The following DDX60L variants were observed in gnomAD, a reference collection of about 807,000 sequenced individuals.
DDX60L encodes the protein DExD/H-box 60 like, also known as probable ATP-dependent RNA helicase DDX60-like.
In DDX60L, 191 loss-of-function variants were observed where a neutral mutation model predicts 211.6. That is an observed-to-expected ratio of 0.90 (90% CI 0.80 to 1.02). The LOEUF (loss-of-function observed/expected upper bound fraction) is 1.02. Among genes scored for constraint, DDX60L ranks in the 50% least tolerant of loss-of-function variants. DDX60L has a pLI of 0.00. For synonymous variants in DDX60L, 706 were observed against 694.1 expected, an observed-to-expected ratio of 1.02 and a Z score of -0.27; for missense variants, 2,007 against 1,984.1, an observed-to-expected ratio of 1.01 and a Z score of -0.22.
intron 29 of DDX60L, among the ~76,000 whole-genome samples, chr4:168,385,201 G>A (rs1286427454): frequency 6.6e-6 from 1 of 152,178 alleles, no homozygotes; most frequent in Admixed American, 6.5e-5. Flanking sequence ...TTCTGGGGAA[G>A]GGAGAAGGGC....
At position 168,431,432 on chromosome 4, in the gene DDX60L, C is replaced by A. The variant is rs187168534; in HGVS notation, c.1517-794G>T. Among the ~76,000 whole-genome samples, 474 of 152,010 alleles carry A rather than the reference C, an allele frequency of 3.1e-3. 2 individuals carry two copies. Among genetic ancestry groups the A allele is most frequent in the African/African-American group, 0.011 (437 of 41,440 alleles). On this transcript the variant is annotated intron_variant, in intron 12 of 37. Transcript: ENST00000682922. ...TAGACACTTACATAAATAGCTTATTCCTATATGCAATTGGCATACTTACTT... is the reference window on the plus strand; with the variant it reads ...TAGACACTTACATAAATAGCTTATTACTATATGCAATTGGCATACTTACTT...
At chr4:168,429,332 G>A (rs767003764) in intron 13 of DDX60L, among the ~76,000 whole-genome samples, 11 of 151,904 alleles carry the variant, frequency 7.2e-5, no homozygotes, top group South Asian at 2.1e-4. Flanking sequence ...TTTTAGAGGC[G>A]ATAGGGTTTC....
intron 25 of DDX60L, among the ~76,000 whole-genome samples, chr4:168,402,109 C>G (rs976877331): frequency 1.2e-4 from 17 of 147,144 alleles, no homozygotes; most frequent in Non-Finnish European, 2.2e-4. Flanking sequence ...GGCAACTCAG[C>G]TTCAACTTCA....
At chr4:168,379,868 A>T (rs1424490890) in intron 30 of DDX60L, 38 bp from the exon 31 acceptor site, 1 of 1,463,718 alleles carries the variant, frequency 6.8e-7, no homozygotes, top group African/African-American at 1.4e-5. Flanking sequence ...CTAGTTTTAA[A>T]CAGTATTTGT....
intron 29 of DDX60L, chr4:168,390,631 T>A: frequency 1.6e-6 from 1 of 625,478 alleles, no homozygotes; most frequent in Non-Finnish European, 2.3e-6. Context: ...AGGCAAAGAT[T>A]ATTGTCAGTT....
chr4:168,451,068 G>C (rs1414383004), intron 8 of DDX60L, among the ~76,000 whole-genome samples: 12 of 152,054 alleles, frequency 7.9e-5, no homozygotes. Context: ...TGAACTCTAA[G>C]ATATCATATT....
At chr4:168,420,075 G>A (rs1302257287) in intron 18 of DDX60L, among the ~76,000 whole-genome samples, 186 bp downstream of exon 18, 4 of 152,100 alleles carry the variant, frequency 2.6e-5, no homozygotes, top group African/African-American at 9.7e-5. Flanking sequence ...CCTTAGAGAT[G>A]GTGAGCCTAG....
chr4:168,401,653 T>C (rs1258645307), intron 25 of DDX60L, among the ~76,000 whole-genome samples: 3 of 152,174 alleles, frequency 2.0e-5, no homozygotes, highest in East Asian at 3.8e-4. Context: ...TAGAAAAAAA[T>C]GTTTTGGCTC....
intron 7 of DDX60L, among the ~76,000 whole-genome samples, chr4:168,455,734 A>T (rs1756472193): frequency 6.6e-6 from 1 of 152,200 alleles, no homozygotes; most frequent in Non-Finnish European, 1.5e-5. Context: ...TTTTAGAAGA[A>T]CTGGGCCAAA....
intron 29 of DDX60L, among the ~76,000 whole-genome samples, chr4:168,385,583 G>C (rs1489108858): frequency 1.3e-5 from 2 of 152,122 alleles, no homozygotes; most frequent in Admixed American, 1.3e-4. Context: ...GTCTGAAGAG[G>C]AGGCAGTCTT....
intron 30 of DDX60L, among the ~76,000 whole-genome samples, chr4:168,382,635 CTAAT>C (rs1323647411): frequency 1.6e-4 from 24 of 151,922 alleles, no homozygotes; most frequent in African/African-American, 5.1e-4. Flanking sequence ...TCATATTGAT[CTAAT>C]TAATTAAGTG....
intron 31 of DDX60L, 66 bp downstream of exon 31, chr4:168,379,660 T>A (rs1579258889): frequency 1.5e-6 from 2 of 1,361,386 alleles, no homozygotes; most frequent in Middle Eastern, 1.8e-4. Context: ...TTTCAGTTGG[T>A]TTAGCATAGA....
chr4:168,467,006 T>C (rs1420905191), intron 4 of DDX60L, among the ~76,000 whole-genome samples: 1 of 152,226 alleles, frequency 6.6e-6, no homozygotes, highest in African/African-American at 2.4e-5. Context: ...TGCAGTGTTC[T>C]TCTTTTCCTT....
At chr4:168,376,683 C>G (rs1409821227) in intron 33 of DDX60L, among the ~76,000 whole-genome samples, 1 of 152,192 alleles carries the variant, frequency 6.6e-6, no homozygotes, top group Non-Finnish European at 1.5e-5. Context: ...CTTCCATGTC[C>G]TGCCATTGTG....
intron 9 of DDX60L, among the ~76,000 whole-genome samples, chr4:168,446,562 T>A (rs1754833265): frequency 6.6e-6 from 1 of 152,158 alleles, no homozygotes; most frequent in African/African-American, 2.4e-5. Flanking sequence ...AAAAAGAGAC[T>A]GCATCACCAA....
In DDX60L at chr4:168,471,958, A is replaced by G; in HGVS notation, c.75-22T>C. On this transcript the variant is annotated intron_variant, in intron 3 of 37. Transcript: ENST00000682922. ...ATACCTAAAATAAAAATCAAAGAGA[A>G]TAAAAATCACAGATGTTTCACAGAG... The G allele has an allele frequency of 2.0e-6, 3 of 1,531,988 alleles. No individual in the cohort carries two copies. In the South Asian group the frequency reaches 3.6e-5, roughly 18 times the overall value. 94.9% of individuals were successfully genotyped at this position (1,531,988 alleles called of 1,614,324 possible).
intron 36 of DDX60L, among the ~76,000 whole-genome samples, chr4:168,363,446 C>A (rs550736725): frequency 6.6e-6 from 1 of 152,302 alleles, no homozygotes; most frequent in East Asian, 1.9e-4. Context: ...GGAAATCCTT[C>A]AGTTCTCTAG....
intron 22 of DDX60L, among the ~76,000 whole-genome samples, chr4:168,407,318 C>G (rs2149801598): frequency 6.6e-6 from 1 of 152,308 alleles, no homozygotes; most frequent in African/African-American, 2.4e-5. Flanking sequence ...GCCTTTAGAA[C>G]TCATGCACTA....
At chr4:168,437,164 G>A (rs1027073341) in intron 10 of DDX60L, among the ~76,000 whole-genome samples, 4 of 152,196 alleles carry the variant, frequency 2.6e-5, no homozygotes, top group East Asian at 1.9e-4. Flanking sequence ...AGACATGTTC[G>A]AGTCCTAATT....
Sources: gnomAD v4.1 joint callset for allele counts (sites outside exome capture counted in the v4.1 genomes callset) on GRCh38, gnomAD v4.1.1 for gene constraint, MANE v1.5 for transcripts, NCBI Gene and HGNC (gene_info 2026-07-23, HGNC 2026-07-21) for gene names.